RASGRF2: variants seen among roughly 807,000 people sequenced by gnomAD.
RASGRF2 encodes ras-specific guanine nucleotide-releasing factor 2.
Under a neutral mutation model 151.0 loss-of-function variants are expected in RASGRF2, and 76 were observed. The ratio of observed to expected loss-of-function variants is 0.50; its 90% CI spans 0.42 to 0.61. The LOEUF is 0.61. RASGRF2 is among the 20% of genes least tolerant of loss of function. RASGRF2 has a pLI of 0.00. For synonymous variants in RASGRF2, 504 were observed against 566.5 expected, an observed-to-expected ratio of 0.89 and a Z score of 1.57; for missense variants, 1,148 against 1,564.6, an observed-to-expected ratio of 0.73 and a Z score of 4.49.
At chr5:81,123,978 A>G (rs141642294) in intron 16 of RASGRF2, among the ~76,000 whole-genome samples, 13 of 152,342 alleles carry the variant, frequency 8.5e-5, no homozygotes, top group African/African-American at 1.7e-4. Flanking sequence ...TCACCCATCA[A>G]AAATATTTGG....
At chr5:81,118,599 G>A (rs1018401241) in intron 15 of RASGRF2, among the ~76,000 whole-genome samples, 16 of 152,138 alleles carry the variant, frequency 1.1e-4, no homozygotes, top group African/African-American at 2.9e-4. Context: ...TCTTTTTAGC[G>A]AAAGGTCACT....
chr5:80,960,683 G>T lies in RASGRF2; in HGVS notation c.-56G>T, dbSNP rs1230618700. ...CCCTCGAGGGAGCCAGCTGGGCCAT[G>T]GCCGCGAGGCAGGGGTGAGACCGGC... On this transcript the variant is annotated 5_prime_UTR_variant, in exon 1 of 27. The change abolishes an upstream ATG in the 5' untranslated region. Transcript: ENST00000265080. This position sits in a 1 kb window ranked among gnomAD's most constrained non-coding sequence, Gnocchi z 5.5. 64 of 1,378,054 alleles carry T rather than the reference G, an allele frequency of 4.6e-5. No homozygotes were observed. Among genetic ancestry groups the T allele is most frequent in the Non-Finnish European group, 6.0e-5 (63 of 1,050,256 alleles). The allele number at this position is 1,378,054 out of a possible 1,614,324, so 85.4% of individuals were successfully genotyped here.
At chr5:81,099,168 A>G (rs73127196) in intron 12 of RASGRF2, among the ~76,000 whole-genome samples, 5,721 of 152,270 alleles carry the variant, frequency 0.038, 346 homozygotes, top group African/African-American at 0.13. Flanking sequence ...TTCCATCTCT[A>G]AAGTCTCCAC....
intron 1 of RASGRF2, among the ~76,000 whole-genome samples, chr5:80,969,750 T>C (rs1747861404): frequency 6.7e-6 from 1 of 148,788 alleles, no homozygotes; most frequent in Non-Finnish European, 1.5e-5. Flanking sequence ...TGCGCCTGGC[T>C]AAGCACTCTT....
intron 18 of RASGRF2, among the ~76,000 whole-genome samples, chr5:81,185,036 C>T (rs1390351027): frequency 6.6e-6 from 1 of 152,358 alleles, no homozygotes; most frequent in African/African-American, 2.4e-5. Context: ...CAACAGCCTG[C>T]ATGGCCTTAA....
intron 17 of RASGRF2, among the ~76,000 whole-genome samples, chr5:81,172,082 G>GC (rs757373113): frequency 2.2e-4 from 34 of 151,938 alleles, no homozygotes; most frequent in South Asian, 8.3e-4. Flanking sequence ...ATAAATCCTG[G>GC]GTTTTTTTTA....
At chr5:81,125,610 T>C (rs1753430479) in intron 16 of RASGRF2, among the ~76,000 whole-genome samples, 1 of 152,198 alleles carries the variant, frequency 6.6e-6, no homozygotes, top group African/African-American at 2.4e-5. Context: ...CTGGAAGAGT[T>C]TGGGACCAAA....
chr5:81,000,540 G>A (rs539809), intron 1 of RASGRF2, among the ~76,000 whole-genome samples: 128,811 of 152,234 alleles, frequency 0.85, 54,851 homozygotes, highest in Middle Eastern at 0.93. Context: ...ACTATCTCCT[G>A]CTTTTGAACT....
At chr5:81,114,887 T>C (rs1276048899) in intron 15 of RASGRF2, 1 of 152,248 alleles carries the variant, frequency 6.6e-6, no homozygotes, top group Non-Finnish European at 1.5e-5. Flanking sequence ...AAATAAAATA[T>C]ACAGTGAACT....
chr5:81,201,653 A>C (rs971755756), intron 19 of RASGRF2, among the ~76,000 whole-genome samples: 1 of 152,158 alleles, frequency 6.6e-6, no homozygotes, highest in African/African-American at 2.4e-5. Flanking sequence ...ACTCGTGTGG[A>C]GTGCAGTTGC....
At chr5:80,989,692 C>CT (rs1200334234) in intron 1 of RASGRF2, among the ~76,000 whole-genome samples, 1 of 152,200 alleles carries the variant, frequency 6.6e-6, no homozygotes, top group Admixed American at 6.5e-5. Context: ...AGCTAGCCTG[C>CT]TCTCCTCACG....
At chr5:81,045,532 C>G (rs1750808512) in intron 2 of RASGRF2, among the ~76,000 whole-genome samples, 1 of 152,124 alleles carries the variant, frequency 6.6e-6, no homozygotes, top group Non-Finnish European at 1.5e-5. Flanking sequence ...CTTTAGAAAC[C>G]ACTTAAGTGG....
intron 2 of RASGRF2, among the ~76,000 whole-genome samples, chr5:81,047,311 C>G (rs890999919): frequency 6.6e-6 from 1 of 152,058 alleles, no homozygotes; most frequent in Non-Finnish European, 1.5e-5. Context: ...TAAGGTGTAT[C>G]CTGAGGAGGG....
intron 12 of RASGRF2, 122 bp from the exon 13 acceptor site, chr5:81,108,873 TG>T: frequency 7.2e-6 from 8 of 1,106,582 alleles, no homozygotes; most frequent in Non-Finnish European, 8.6e-6. Context: ...TGTGTGTGTG[TG>T]TGTGTGTAAG....
chr5:81,100,108 C>T (rs1249286515), intron 12 of RASGRF2, among the ~76,000 whole-genome samples: 3 of 151,888 alleles, frequency 2.0e-5, no homozygotes, highest in Non-Finnish European at 2.9e-5. Context: ...GAGGTTTCAC[C>T]GTGTTAGCCA....
chr5:81,134,100 G>GTA (rs1753694668), intron 17 of RASGRF2, among the ~76,000 whole-genome samples: 1 of 151,576 alleles, frequency 6.6e-6, no homozygotes, highest in Non-Finnish European at 1.5e-5. Context: ...GTGTGTGTGT[G>GTA]TGTGTGTGTG....
At chr5:81,038,149 G>T (rs1200776993) in intron 1 of RASGRF2, among the ~76,000 whole-genome samples, 2 of 152,078 alleles carry the variant, frequency 1.3e-5, no homozygotes, top group Non-Finnish European at 2.9e-5. Flanking sequence ...ATTGATTCCA[G>T]TTTTTTTGTA....
intron 14 of RASGRF2, chr5:81,113,302 C>T: frequency 3.4e-6 from 2 of 583,856 alleles, no homozygotes; most frequent in South Asian, 4.3e-5. Context: ...CCAGAGATCT[C>T]AATGCTGCTG....
intron 17 of RASGRF2, among the ~76,000 whole-genome samples, chr5:81,164,803 T>C (rs1360766824): frequency 6.6e-6 from 1 of 152,142 alleles, no homozygotes. Context: ...AATGATGAAA[T>C]TCCTCTATAG....
Sources: gnomAD v4.1 joint callset for allele counts (sites outside exome capture counted in the v4.1 genomes callset) on GRCh38, gnomAD v4.1.1 for gene constraint, Gnocchi (gnomAD v3.1) non-coding constraint, MANE v1.5 for transcripts, NCBI Gene and HGNC (gene_info 2026-07-23, HGNC 2026-07-21) for gene names.